Variants in CD1B observed in about 807,000 individuals in gnomAD.
CD1B encodes CD1b molecule.
In CD1B, 43 loss-of-function variants were observed where a neutral mutation model predicts 39.8. That is an observed-to-expected ratio of 1.08 (90% CI 0.85 to 1.39). The LOEUF is 1.39. Among genes scored for constraint, CD1B ranks in the 40% most tolerant of loss-of-function variants. CD1B has a pLI of 0.00. For synonymous variants in CD1B, 192 were observed against 152.5 expected (o/e 1.26, Z -1.91); for missense variants, 495 against 403.8 (o/e 1.23, Z -1.94).
At chr1:158,304,962 G>A in the CD1B span, among the ~76,000 whole-genome samples, 11 of 152,040 alleles carry the variant, frequency 7.2e-5, no homozygotes, top group African/African-American at 2.7e-4. Flanking sequence ...AAGACCAAAG[G>A]TAGATAAAAC....
Position 158,329,477 on chromosome 1 carries a change from G to T in CD1B, c.779C>A (p.Thr260Lys). ...ATCCAGGGTTGCTCGGAGATACCAT[G>T]TCCAGTTAGCATTGGGCAGGATGTC... ...LGDILPNANWTWYLRATLDVA... is the reference protein window; with the variant it reads ...LGDILPNANWKWYLRATLDVA... Residue 260 changes from threonine to lysine, a missense_variant, in exon 4 of 6, where the codon ACA becomes AAA. Coordinates refer to ENST00000368168, the MANE Select transcript of CD1B (RefSeq NM_001764.3). 1 of 1,614,160 alleles carries T rather than the reference G, an allele frequency of 6.2e-7. No homozygotes were observed. Among genetic ancestry groups the T allele is most frequent in the East Asian group, 2.2e-5 (1 of 44,862 alleles).
chr1:158,304,907 T>A, the CD1B span, among the ~76,000 whole-genome samples: 1 of 151,812 alleles, frequency 6.6e-6, no homozygotes, highest in Non-Finnish European at 1.5e-5. Context: ...TAACAAACAG[T>A]AAGGACATCC....
At chr1:158,290,503 G>A in the CD1B span, among the ~76,000 whole-genome samples, 1 of 152,170 alleles carries the variant, frequency 6.6e-6, no homozygotes, top group African/African-American at 2.4e-5. Flanking sequence ...GTTGAGGAAG[G>A]GAAGTAGATA....
the CD1B span, among the ~76,000 whole-genome samples, chr1:158,301,930 CAT>C: frequency 5.3e-5 from 8 of 151,958 alleles, no homozygotes; most frequent in Non-Finnish European, 1.2e-4. Flanking sequence ...ACAAATCAAA[CAT>C]AGATTTTTTT....
the CD1B span, chr1:158,289,880 G>A: frequency 3.5e-6 from 2 of 565,936 alleles, no homozygotes; most frequent in East Asian, 5.8e-5. Flanking sequence ...AGAGCAGGTG[G>A]GGAAATGAGA....
chr1:158,309,222 C>G, the CD1B span, among the ~76,000 whole-genome samples: 1 of 152,138 alleles, frequency 6.6e-6, no homozygotes, highest in East Asian at 1.9e-4. Flanking sequence ...CCAAAGGACA[C>G]ATGAAAAAAC....
chr1:158,318,618 A>G, the CD1B span, among the ~76,000 whole-genome samples: 1 of 152,172 alleles, frequency 6.6e-6, no homozygotes, highest in Non-Finnish European at 1.5e-5. Flanking sequence ...TCTTTATCCA[A>G]TTTGCCAGTC....
chr1:158,313,389 C>T, the CD1B span, among the ~76,000 whole-genome samples: 1 of 152,236 alleles, frequency 6.6e-6, no homozygotes, highest in Non-Finnish European at 1.5e-5. Context: ...CATCTCACCA[C>T]AGCCTCAACC....
At chr1:158,322,755 A>G in the CD1B span, among the ~76,000 whole-genome samples, 2 of 152,072 alleles carry the variant, frequency 1.3e-5, no homozygotes, top group Non-Finnish European at 2.9e-5. Flanking sequence ...TTTCTGAAGG[A>G]CATATTTGCC....
At chr1:158,330,502 A>G (rs1652554639) in intron 2 of CD1B, 1 of 595,022 alleles carries the variant, frequency 1.7e-6, no homozygotes, top group African/African-American at 1.8e-5. Flanking sequence ...TCACTCAGGC[A>G]CAGGGTAGGA....
At chr1:158,308,845 G>C in the CD1B span, among the ~76,000 whole-genome samples, 2 of 152,168 alleles carry the variant, frequency 1.3e-5, no homozygotes, top group South Asian at 2.1e-4. Flanking sequence ...ATGGATTAAA[G>C]ACTTACATGT....
chr1:158,292,353 G>A, the CD1B span: 10 of 1,613,596 alleles, frequency 6.2e-6, no homozygotes, highest in East Asian at 1.6e-4. Context: ...GAAGATGTAT[G>A]TACACAGGCA....
chr1:158,317,413 T>G, the CD1B span, among the ~76,000 whole-genome samples: 41 of 152,336 alleles, frequency 2.7e-4, no homozygotes, highest in South Asian at 7.7e-3. Context: ...GTCGAGGAAT[T>G]TATCCATTTC....
At chr1:158,306,836 T>G in the CD1B span, among the ~76,000 whole-genome samples, 5 of 151,926 alleles carry the variant, frequency 3.3e-5, no homozygotes, top group Non-Finnish European at 7.4e-5. Context: ...GACTACTGGG[T>G]ACATAATGAA....
the CD1B span, chr1:158,293,703 A>G: frequency 2.9e-6 from 3 of 1,038,782 alleles, no homozygotes; most frequent in Admixed American, 4.3e-5. Flanking sequence ...CATTTCCTCC[A>G]ACGATCTTCC....
the CD1B span, among the ~76,000 whole-genome samples, chr1:158,298,565 G>A: frequency 5.3e-5 from 8 of 152,282 alleles, no homozygotes; most frequent in African/African-American, 1.9e-4. Context: ...GTCATTGGTA[G>A]CTTGATAGGG....
chr1:158,293,614 C>A, the CD1B span: 3 of 1,594,788 alleles, frequency 1.9e-6, no homozygotes, highest in Non-Finnish European at 2.6e-6. Context: ...TAATAAAAAC[C>A]AAATTCTAAT....
chr1:158,318,655 C>T, the CD1B span, among the ~76,000 whole-genome samples: 1 of 152,206 alleles, frequency 6.6e-6, no homozygotes, highest in African/African-American at 2.4e-5. Context: ...AGCATTTAGT[C>T]CATTTACATT....
At chr1:158,293,303 G>A in the CD1B span, 1 of 1,613,022 alleles carries the variant, frequency 6.2e-7, no homozygotes, top group African/African-American at 1.3e-5. Flanking sequence ...AGAAGCACTG[G>A]TGAGTTTTTT....
Sources: gnomAD v4.1 joint callset for allele counts (sites outside exome capture counted in the v4.1 genomes callset) on GRCh38, gnomAD v4.1.1 for gene constraint, MANE v1.5 for transcripts, NCBI Gene and HGNC (gene_info 2026-07-23, HGNC 2026-07-21) for gene names.